Variants in PCDH11X observed in about 807,000 individuals in gnomAD.
PCDH11X encodes the protein protocadherin 11 X-linked.
A neutral mutation model predicts 53.3 loss-of-function variants in PCDH11X; 18 were observed. The observed-to-expected ratio is 0.34, with a 90% CI of 0.23 to 0.50. The LOEUF (loss-of-function observed/expected upper bound fraction) is 0.50. PCDH11X is among the 20% of genes least tolerant of loss of function. The pLI is 0.98. For synonymous variants in PCDH11X, 279 were observed against 393.3 expected, an observed-to-expected ratio of 0.71 and a Z score of 3.44; for missense variants, 570 against 1,032.4, an observed-to-expected ratio of 0.55 and a Z score of 6.14.
At chrX:92,305,532 C>A (rs1161927934) in intron 8 of PCDH11X, among the ~76,000 whole-genome samples, 2 of 110,826 alleles carry the variant, frequency 1.8e-5, no homozygotes, top group African/African-American at 6.6e-5. Context: ...CAAATTAGGA[C>A]CCCACCTTTA....
chrX:92,093,538 A>G (rs888251988), intron 6 of PCDH11X, among the ~76,000 whole-genome samples: 1 of 111,819 alleles, frequency 8.9e-6, no homozygotes, highest in African/African-American at 3.2e-5. Context: ...AGAATTCCGT[A>G]AGGAAATTAC....
intron 10 of PCDH11X, among the ~76,000 whole-genome samples, chrX:92,499,864 A>G (rs2073931538): frequency 9.3e-6 from 1 of 106,992 alleles, no homozygotes; most frequent in Non-Finnish European, 1.9e-5. Flanking sequence ...AAAGAAAGAA[A>G]GAAGAAAGAA....
At chrX:91,806,478 A>G (rs189492566) in intron 1 of PCDH11X, among the ~76,000 whole-genome samples, 1 of 113,504 alleles carries the variant, frequency 8.8e-6, no homozygotes, top group Middle Eastern at 4.6e-3. Flanking sequence ...TTTTCTCAAG[A>G]TGATAACTCA....
chrX:92,208,124 G>A (rs1376229354), intron 7 of PCDH11X, among the ~76,000 whole-genome samples: 3 of 107,126 alleles, frequency 2.8e-5, no homozygotes, highest in Non-Finnish European at 3.8e-5. Flanking sequence ...GAACCCGGGT[G>A]GCAGAGGTTG....
chrX:92,271,483 G>T (rs1007152080), intron 8 of PCDH11X, among the ~76,000 whole-genome samples: 2 of 111,894 alleles, frequency 1.8e-5, no homozygotes, highest in African/African-American at 6.5e-5. Flanking sequence ...GGGCTCAAAG[G>T]TCCCGTTACA....
intron 10 of PCDH11X, among the ~76,000 whole-genome samples, chrX:92,484,363 A>T (rs964358112): frequency 9.7e-6 from 1 of 103,435 alleles, no homozygotes; most frequent in African/African-American, 3.5e-5. Flanking sequence ...GTTCTTTAAG[A>T]CATCTCCATA....
intron 10 of PCDH11X, among the ~76,000 whole-genome samples, chrX:92,573,213 G>C (rs1315673049): frequency 1.8e-5 from 2 of 110,522 alleles, no homozygotes; most frequent in Non-Finnish European, 3.8e-5. Context: ...ACTTTGCCTT[G>C]GTTTTCTATT....
At chrX:92,555,286 T>A (rs1335183207) in intron 10 of PCDH11X, among the ~76,000 whole-genome samples, 1 of 111,746 alleles carries the variant, frequency 8.9e-6, no homozygotes, top group African/African-American at 3.2e-5. Context: ...AAGTGTATAG[T>A]CTAAAACACA....
intron 7 of PCDH11X, among the ~76,000 whole-genome samples, chrX:92,218,496 G>A (rs2066775249): frequency 9.0e-6 from 1 of 110,872 alleles, no homozygotes; most frequent in Admixed American, 9.6e-5. Context: ...GACTAAACCA[G>A]GAAGAAGTTG....
rs768396056 is a variant in PCDH11X, at chrX:92,101,109, G to A, written c.3034-100266G>A. On this transcript the variant is annotated intron_variant, in intron 6 of 10. Transcript: ENST00000682573. Reference sequence around the variant, plus strand: ...ATTTACTTCAAGAGTTAAGAGTAGCGGTTTGGGGATAGCACAAGGAGATAT... The same window carrying A: ...ATTTACTTCAAGAGTTAAGAGTAGCAGTTTGGGGATAGCACAAGGAGATAT... Among the ~76,000 whole-genome samples the A allele has an allele frequency of 2.4e-4, 27 of 111,991 alleles. 1 individual carries two copies. The highest frequency in any genetic ancestry group is 2.2e-3 in the East Asian group (8 of 3,557).
intron 6 of PCDH11X, among the ~76,000 whole-genome samples, chrX:92,058,421 A>G (rs2063482892): frequency 9.1e-6 from 1 of 110,343 alleles, no homozygotes; most frequent in Non-Finnish European, 1.9e-5. Flanking sequence ...TCGAATAACA[A>G]AAAACCAATT....
At chrX:92,538,926 G>C (rs1266186102) in intron 10 of PCDH11X, among the ~76,000 whole-genome samples, 1 of 80,649 alleles carries the variant, frequency 1.2e-5, no homozygotes, top group Non-Finnish European at 2.4e-5. Context: ...TCAGAATAAA[G>C]AACACCGTTT....
At chrX:92,323,577 T>A (rs1356802853) in intron 8 of PCDH11X, among the ~76,000 whole-genome samples, 1 of 110,815 alleles carries the variant, frequency 9.0e-6, no homozygotes, top group Non-Finnish European at 1.9e-5. Context: ...TTAATTTAAT[T>A]TTTTTATTAT....
At chrX:92,615,085 G>A (rs1450573034) in intron 10 of PCDH11X, among the ~76,000 whole-genome samples, 1 of 111,456 alleles carries the variant, frequency 9.0e-6, no homozygotes, top group Non-Finnish European at 1.9e-5. Flanking sequence ...TAGTCCATGT[G>A]AGCAAGTACT....
intron 9 of PCDH11X, among the ~76,000 whole-genome samples, chrX:92,412,841 G>A (rs1235853766): frequency 2.7e-5 from 3 of 109,599 alleles, no homozygotes; most frequent in African/African-American, 1.0e-4. Context: ...AAAAAAGTAA[G>A]CATATTCATT....
intron 10 of PCDH11X, among the ~76,000 whole-genome samples, chrX:92,516,517 A>G (rs1198234973): frequency 2.7e-5 from 3 of 112,356 alleles, no homozygotes; most frequent in African/African-American, 9.7e-5. Context: ...ATAGTTTAGC[A>G]ACAACAAAAA....
chrX:92,412,505 AATAGT>A (rs776271092), intron 9 of PCDH11X, among the ~76,000 whole-genome samples: 1,457 of 63,212 alleles, frequency 0.023, 17 homozygotes, highest in Non-Finnish European at 0.032. Flanking sequence ...AAATAAAGAA[AATAGT>A]ATATATATAT....
intron 9 of PCDH11X, among the ~76,000 whole-genome samples, chrX:92,439,942 G>A (rs949678114): frequency 1.3e-4 from 11 of 83,130 alleles, no homozygotes; most frequent in South Asian, 7.8e-4. Context: ...TTTCAGAGCC[G>A]TTTTTACTTG....
At position 92,531,886 on chromosome X, in the gene PCDH11X, G is replaced by A. The variant is rs188350188; in HGVS notation, c.3367+63564G>A. Among the ~76,000 whole-genome samples the A allele has an allele frequency of 2.5e-4, 28 of 111,489 alleles. No individual in the cohort carries two copies. In the East Asian group the frequency reaches 6.2e-3, roughly 25 times the overall value. On this transcript the variant is annotated intron_variant, in intron 10 of 10. Coordinates refer to ENST00000682573, the MANE Select transcript of PCDH11X (RefSeq NM_032968.5). The stretch of plus-strand genomic sequence containing the variant: ...GATAATATAATGTGTACTTTCCATT[G>A]GTGTTGTAAGAATAAATAGAATTTC...
Sources: allele counts gnomAD v4.1 joint callset (sites outside exome capture counted in the v4.1 genomes callset), GRCh38; gene constraint gnomAD v4.1.1; transcripts MANE v1.5; gene names NCBI Gene and HGNC (gene_info 2026-07-23, HGNC 2026-07-21).